The following PPM1L variants were observed in gnomAD, a reference collection of about 807,000 sequenced individuals.
PPM1L encodes protein phosphatase, Mg2+/Mn2+ dependent 1L.
In PPM1L, 13 loss-of-function variants were observed where a neutral mutation model predicts 31.4. The observed-to-expected ratio is 0.41, with a 90% CI of 0.27 to 0.66. The LOEUF (loss-of-function observed/expected upper bound fraction) is 0.66. Among genes scored for constraint, PPM1L ranks in the 30% least tolerant of loss-of-function variants. PPM1L has a pLI of 0.29. For synonymous variants in PPM1L, 184 were observed against 175.4 expected, an observed-to-expected ratio of 1.05 and a Z score of -0.39; for missense variants, 326 against 453.7, an observed-to-expected ratio of 0.72 and a Z score of 2.56.
intron 2 of PPM1L, among the ~76,000 whole-genome samples, chr3:161,001,784 A>T (rs1378171165): frequency 6.6e-6 from 1 of 152,104 alleles, no homozygotes; most frequent in African/African-American, 2.4e-5. Context: ...CTAAGTATGA[A>T]TTTACTACAA....
At chr3:160,787,824 C>G (rs1300780007) in intron 1 of PPM1L, among the ~76,000 whole-genome samples, 1 of 152,158 alleles carries the variant, frequency 6.6e-6, no homozygotes, top group Admixed American at 6.5e-5. Context: ...TAAAGCTAGC[C>G]AGTTATCTCA....
At chr3:160,970,787 A>ATTATTT (rs1360956984) in intron 2 of PPM1L, among the ~76,000 whole-genome samples, 5 of 97,190 alleles carry the variant, frequency 5.1e-5, no homozygotes, top group Non-Finnish European at 5.8e-5. Context: ...TTCAGTTATA[A>ATTATTT]TTTTTTTTTT....
chr3:160,945,281 T>A (rs1407418259), intron 1 of PPM1L, among the ~76,000 whole-genome samples: 2 of 151,738 alleles, frequency 1.3e-5, no homozygotes, highest in Non-Finnish European at 2.9e-5. Context: ...GCTGCTCAAC[T>A]CTACCATTAT....
chr3:161,007,798 A>T (rs1335332814), intron 2 of PPM1L, among the ~76,000 whole-genome samples: 2 of 152,144 alleles, frequency 1.3e-5, no homozygotes, highest in East Asian at 1.9e-4. Flanking sequence ...GATGAGAGCC[A>T]TTGGGGATGC....
At chr3:160,771,325 C>T (rs774284142) in intron 1 of PPM1L, among the ~76,000 whole-genome samples, 14 of 150,592 alleles carry the variant, frequency 9.3e-5, no homozygotes, top group East Asian at 2.0e-4. Context: ...GGTGAGATCT[C>T]GGCTCACTGC....
At chr3:160,812,580 T>C (rs1712844562) in intron 1 of PPM1L, among the ~76,000 whole-genome samples, 2 of 152,174 alleles carry the variant, frequency 1.3e-5, no homozygotes, top group African/African-American at 2.4e-5. Context: ...TACACACTGC[T>C]TGATTTTAAT....
At chr3:160,967,377 T>C (rs1211427557) in intron 2 of PPM1L, among the ~76,000 whole-genome samples, 1 of 151,992 alleles carries the variant, frequency 6.6e-6, no homozygotes, top group East Asian at 1.9e-4. Flanking sequence ...ACTACAGAAC[T>C]TTATTTCTCA....
intron 2 of PPM1L, among the ~76,000 whole-genome samples, chr3:161,027,617 A>G (rs1317199825): frequency 6.6e-6 from 1 of 152,128 alleles, no homozygotes; most frequent in African/African-American, 2.4e-5. Context: ...CCGTGATCCA[A>G]TTACCTCCCA....
intron 1 of PPM1L, among the ~76,000 whole-genome samples, chr3:160,864,103 A>G (rs1194463484): frequency 1.3e-5 from 2 of 152,144 alleles, no homozygotes; most frequent in African/African-American, 4.8e-5. Context: ...CTGGGGTCTC[A>G]CTGAGTCCTT....
intron 1 of PPM1L, among the ~76,000 whole-genome samples, chr3:160,805,357 T>C (rs1712565348): frequency 6.6e-6 from 1 of 152,184 alleles, no homozygotes; most frequent in Non-Finnish European, 1.5e-5. Context: ...CTAGGATTAC[T>C]GGGGAAAACT....
chr3:160,790,422 GT>G (rs1279695162), intron 1 of PPM1L, among the ~76,000 whole-genome samples: 1 of 152,108 alleles, frequency 6.6e-6, no homozygotes, highest in African/African-American at 2.4e-5. Context: ...TTGCAAATAT[GT>G]TGTATGTAAA....
chr3:160,915,351 G>T (rs1714131198), intron 1 of PPM1L, among the ~76,000 whole-genome samples: 1 of 152,080 alleles, frequency 6.6e-6, no homozygotes, highest in Non-Finnish European at 1.5e-5. Flanking sequence ...CAACTTACAA[G>T]GGACGTGAAG....
chr3:160,766,499 C>T (rs1434545044), intron 1 of PPM1L, among the ~76,000 whole-genome samples: 2 of 151,964 alleles, frequency 1.3e-5, no homozygotes, highest in African/African-American at 4.8e-5. Context: ...GGGCTTTTCC[C>T]CTCTTTCCAC....
At chr3:160,808,420 T>TG (rs1712704595) in intron 1 of PPM1L, among the ~76,000 whole-genome samples, 1 of 146,982 alleles carries the variant, frequency 6.8e-6, no homozygotes, top group African/African-American at 2.5e-5. Flanking sequence ...TGTGTGTGTG[T>TG]GTGGTGGGTG....
chr3:160,764,014 C>T (rs978942382), intron 1 of PPM1L, among the ~76,000 whole-genome samples: 5 of 152,146 alleles, frequency 3.3e-5, no homozygotes, highest in Admixed American at 2.6e-4. Flanking sequence ...AATAATATGA[C>T]TCCATGATAG....
At chr3:160,957,584 T>A (rs1269615579) in intron 1 of PPM1L, among the ~76,000 whole-genome samples, 1 of 150,298 alleles carries the variant, frequency 6.7e-6, no homozygotes, top group Non-Finnish European at 1.5e-5. Context: ...TGACTTTTTT[T>A]TTTTTTTTTT....
chr3:160,906,086 A>G (rs1411491103), intron 1 of PPM1L, among the ~76,000 whole-genome samples: 3 of 151,790 alleles, frequency 2.0e-5, no homozygotes, highest in Non-Finnish European at 4.4e-5. Flanking sequence ...TTATTTTTTT[A>G]GGAAAGACCA....
chr3:161,027,550 A>G (rs937646818), intron 2 of PPM1L, among the ~76,000 whole-genome samples: 1 of 152,166 alleles, frequency 6.6e-6, no homozygotes, highest in Non-Finnish European at 1.5e-5. Flanking sequence ...TTATAGAACC[A>G]TCAGATCTTG....
chr3:161,048,693 A>G (rs946554961), intron 2 of PPM1L, among the ~76,000 whole-genome samples: 16 of 152,266 alleles, frequency 1.1e-4, no homozygotes, highest in Middle Eastern at 3.4e-3. Context: ...ATGTCCATCA[A>G]TGATAGACTG....
Sources: gnomAD v4.1 joint callset for allele counts (sites outside exome capture counted in the v4.1 genomes callset) on GRCh38, gnomAD v4.1.1 for gene constraint, MANE v1.5 for transcripts, NCBI Gene and HGNC (gene_info 2026-07-23, HGNC 2026-07-21) for gene names.